MCUB: variants seen among roughly 807,000 people sequenced by gnomAD.
MCUB encodes the protein mitochondrial calcium uniporter dominant negative subunit beta, also known as calcium uniporter regulatory subunit MCUb, mitochondrial.
In MCUB, 46 loss-of-function variants were observed where a neutral mutation model predicts 41.4. That is an observed-to-expected ratio of 1.11 (90% CI 0.88 to 1.42). MCUB has a LOEUF of 1.42. Ranked by LOEUF, MCUB falls within the 40% of genes most tolerant of loss-of-function variation. MCUB has a pLI of 0.00. For synonymous variants in MCUB, 148 were observed against 148.2 expected (o/e 1.00, Z 0.01); for missense variants, 403 against 404.9 (o/e 1.00, Z 0.04).
chr4:109,624,532 A>G (rs1728321482), intron 1 of MCUB, among the ~76,000 whole-genome samples: 1 of 152,246 alleles, frequency 6.6e-6, no homozygotes, highest in Non-Finnish European at 1.5e-5. Context: ...ACAAGATACT[A>G]GTGCTTGGAG....
rs138521777 is a variant in MCUB, at chr4:109,686,484, G to A, written c.934-1031G>A. Among the ~76,000 whole-genome samples the A allele has an allele frequency of 3.3e-5, 5 of 152,236 alleles. No homozygotes were observed. In the East Asian group the frequency reaches 9.6e-4, roughly 29 times the overall value. ...TTTTATTTCATATAGTCATTCTATA[G>A]GAAAAATATAATGCTTTTAAAAAAA... On this transcript the variant is annotated intron_variant, in intron 7 of 7. Transcript: ENST00000394650.
intron 1 of MCUB, among the ~76,000 whole-genome samples, chr4:109,645,393 T>TTTTTTTTTTTTTTTTTTTAG (rs1561238847): frequency 1.3e-5 from 2 of 152,220 alleles, no homozygotes; most frequent in African/African-American, 4.8e-5. Flanking sequence ...AACAGTTTCT[T>TTTTTTTTTTTTTTTTTTTAG]AACTGGCTTC....
chr4:109,679,471 C>A (rs929447081), intron 4 of MCUB, among the ~76,000 whole-genome samples: 2 of 152,134 alleles, frequency 1.3e-5, no homozygotes, highest in Admixed American at 1.3e-4. Context: ...CACGGCGAAA[C>A]CCCGTCTCCA....
At chr4:109,584,836 G>A (rs1046653495) in intron 1 of MCUB, among the ~76,000 whole-genome samples, 1 of 152,156 alleles carries the variant, frequency 6.6e-6, no homozygotes, top group Non-Finnish European at 1.5e-5. Context: ...TGTGATTTCT[G>A]TTCTTTTATA....
At chr4:109,565,490 A>C (rs1048441150) in intron 1 of MCUB, among the ~76,000 whole-genome samples, 1 of 152,188 alleles carries the variant, frequency 6.6e-6, no homozygotes, top group African/African-American at 2.4e-5. Flanking sequence ...TTCAGTGAAA[A>C]CATTTGGGTG....
intron 1 of MCUB, among the ~76,000 whole-genome samples, chr4:109,654,508 G>A (rs951178318): frequency 6.6e-6 from 1 of 152,052 alleles, no homozygotes; most frequent in Non-Finnish European, 1.5e-5. Flanking sequence ...CTACTCGAGA[G>A]GGTGAGGCAG....
rs150293518 is a variant in MCUB, at chr4:109,564,141, C to CTT, written c.99+3714_99+3715dup. ...TAGGCTATATGCATTTCTTTCTTTTCTTTTTTTTTTGAGACGGAGTCTTGC... is the reference window on the plus strand; with the variant it reads ...TAGGCTATATGCATTTCTTTCTTTTCTTTTTTTTTTTTGAGACGGAGTCTTGC... On this transcript the variant is annotated intron_variant, in intron 1 of 7. Coordinates refer to ENST00000394650, the MANE Select transcript of MCUB (RefSeq NM_017918.5). Among the ~76,000 whole-genome samples, 4 of 149,174 alleles carry CTT rather than the reference C, an allele frequency of 2.7e-5. No individual in the cohort carries two copies. In the South Asian group the frequency reaches 6.4e-4, roughly 24 times the overall value.
chr4:109,658,626 T>C (rs1729158486), intron 1 of MCUB, among the ~76,000 whole-genome samples: 1 of 152,164 alleles, frequency 6.6e-6, no homozygotes, highest in African/African-American at 2.4e-5. Context: ...AGCCCCAAGA[T>C]GCTCCTGGTC....
intron 1 of MCUB, among the ~76,000 whole-genome samples, chr4:109,616,866 G>A (rs780989232): frequency 2.6e-5 from 4 of 152,166 alleles, no homozygotes; most frequent in Middle Eastern, 3.4e-3. Context: ...TTAAAATTGC[G>A]AATTATATAT....
At chr4:109,579,845 A>T (rs1727127217) in intron 1 of MCUB, among the ~76,000 whole-genome samples, 1 of 152,224 alleles carries the variant, frequency 6.6e-6, no homozygotes, top group Middle Eastern at 3.2e-3. Context: ...TTAGAGAAGA[A>T]ATAATGAACC....
intron 1 of MCUB, among the ~76,000 whole-genome samples, chr4:109,582,681 C>G (rs958400826): frequency 3.3e-5 from 5 of 151,838 alleles, no homozygotes; most frequent in African/African-American, 1.2e-4. Context: ...AGGTTTTCTT[C>G]TAGGGTTTTT....
chr4:109,644,636 C>G (rs1360024558), intron 1 of MCUB, among the ~76,000 whole-genome samples: 3 of 152,010 alleles, frequency 2.0e-5, no homozygotes, highest in Admixed American at 1.3e-4. Flanking sequence ...ACAGGCATGC[C>G]AAAAGGAGAA....
At chr4:109,599,795 A>G (rs79911813) in intron 1 of MCUB, among the ~76,000 whole-genome samples, 20,142 of 151,882 alleles carry the variant, frequency 0.13, 1,601 homozygotes, top group South Asian at 0.21. Context: ...CAGCCTCCCA[A>G]GTAGCTGGGA....
rs922063525 is a variant in MCUB at position 109,592,267 on chromosome 4, G to A, written c.99+31831G>A. 4.0e-4 allele frequency among the ~76,000 whole-genome samples: 60 copies of A among 151,766 alleles called. 1 individual carries two copies. The highest frequency in any genetic ancestry group is 2.1e-4 in the South Asian group (1 of 4,782). On this transcript the variant is annotated intron_variant, in intron 1 of 7. Coordinates refer to ENST00000394650, the MANE Select transcript of MCUB (RefSeq NM_017918.5). ...TCTACTAAAAATACAAAAATTAGCC[G>A]GGTATGGTGGCGTGTACCTGCAATC...
At chr4:109,648,551 G>A (rs559403680) in intron 1 of MCUB, 1 of 414,338 alleles carries the variant, frequency 2.4e-6, no homozygotes, top group East Asian at 7.1e-5. Context: ...TATTTTCACA[G>A]TGATGATTCA....
intron 1 of MCUB, among the ~76,000 whole-genome samples, chr4:109,582,767 A>G (rs921507303): frequency 3.3e-5 from 5 of 152,188 alleles, no homozygotes; most frequent in Non-Finnish European, 5.9e-5. Flanking sequence ...GAAGGGATCC[A>G]GTTTCAGCTT....
Position 109,684,603 on chromosome 4 carries a change from C to A in MCUB, c.773C>A (p.Ala258Glu). ...MEPVTYFITFANSMVFFAYFI... is the reference protein window; with the variant it reads ...MEPVTYFITFENSMVFFAYFI... The stretch of plus-strand genomic sequence containing the variant: ...CCAGTTACATACTTCATCACATTTG[C>A]AAATTCTATGGTCTTTTTTGCATAC... The change falls in exon 6 of 8, where the codon GCA (alanine) becomes GAA (glutamate). Residue 258 changes from alanine (A) to glutamate (E), a missense_variant. Transcript: ENST00000394650. 6.3e-7 allele frequency: 1 copy of A among 1,593,820 alleles called. No individual in the cohort carries two copies. The highest frequency in any genetic ancestry group is 8.6e-7 in the Non-Finnish European group (1 of 1,161,730).
chr4:109,632,936 C>G (rs1728507732), intron 1 of MCUB, among the ~76,000 whole-genome samples: 1 of 152,014 alleles, frequency 6.6e-6, no homozygotes, highest in Admixed American at 6.5e-5. Context: ...ATTTTTATAT[C>G]AGCACTATCT....
chr4:109,664,956 T>A (rs990368486), intron 4 of MCUB, among the ~76,000 whole-genome samples: 1 of 149,978 alleles, frequency 6.7e-6, no homozygotes, highest in Admixed American at 6.7e-5. Context: ...AAAAAAAAAA[T>A]TGTATTATTT....
Sources: allele counts gnomAD v4.1 joint callset (sites outside exome capture counted in the v4.1 genomes callset), GRCh38; gene constraint gnomAD v4.1.1; transcripts MANE v1.5; gene names NCBI Gene and HGNC (gene_info 2026-07-23, HGNC 2026-07-21).